Variants in ADAMTS12 observed in about 807,000 individuals in gnomAD.
The protein encoded by ADAMTS12 is A disintegrin and metalloproteinase with thrombospondin motifs 12.
A neutral mutation model predicts 167.8 loss-of-function variants in ADAMTS12; 118 were observed. That is an observed-to-expected ratio of 0.70 (90% CI 0.61 to 0.82). ADAMTS12 has a LOEUF of 0.82. Among genes scored for constraint, ADAMTS12 ranks in the 40% least tolerant of loss-of-function variants. ADAMTS12 has a pLI of 0.00. For synonymous variants in ADAMTS12, 704 were observed against 716.9 expected, an observed-to-expected ratio of 0.98 and a Z score of 0.29; for missense variants, 1,916 against 1,998.8, an observed-to-expected ratio of 0.96 and a Z score of 0.79.
In ADAMTS12 at chr5:33,527,280, C is replaced by T; in HGVS notation, c.4693G>A (p.Ala1565Thr). Residue 1565 changes from alanine (A) to threonine (T), a missense_variant, in exon 24 of 24, where the codon GCT (alanine) becomes ACT (threonine). By Grantham distance (58) the Ala-to-Thr change is moderately conservative. Transcript: ENST00000504830. ...TGGGGACACGAGAAGCAGCACTCAG[C>T]CCTCACGGTGGGCACAGAACATTTC... is the stretch of plus-strand genomic sequence containing the variant. ...MKKCSVPTVR[A>T]ECCFSCPQTH... The T allele has an allele frequency of 6.2e-7, 1 of 1,614,082 alleles. No individual in the cohort carries two copies. The highest frequency in any genetic ancestry group is 8.5e-7 in the Non-Finnish European group (1 of 1,180,014).
chr5:33,605,875 G>A (rs569179228), intron 16 of ADAMTS12, among the ~76,000 whole-genome samples: 9 of 152,090 alleles, frequency 5.9e-5, no homozygotes, highest in Non-Finnish European at 1.2e-4. Flanking sequence ...GCACAAATAA[G>A]TTATACAAAG....
At chr5:33,833,644 A>G (rs1748393619) in intron 2 of ADAMTS12, among the ~76,000 whole-genome samples, 1 of 152,190 alleles carries the variant, frequency 6.6e-6, no homozygotes. Context: ...CCAAGGAAGA[A>G]AAAAAGTTTT....
At chr5:33,793,756 C>T (rs375361831) in intron 2 of ADAMTS12, among the ~76,000 whole-genome samples, 23 of 152,308 alleles carry the variant, frequency 1.5e-4, no homozygotes, top group African/African-American at 5.1e-4. Context: ...GCCAATCTCA[C>T]TCCCACCGTG....
At chr5:33,710,931 G>A (rs1221916884) in intron 3 of ADAMTS12, among the ~76,000 whole-genome samples, 2 of 152,226 alleles carry the variant, frequency 1.3e-5, no homozygotes, top group East Asian at 1.9e-4. Flanking sequence ...TGAATGTGGG[G>A]CAAGTGGTCT....
At chr5:33,872,047 A>T (rs913927480) in intron 2 of ADAMTS12, among the ~76,000 whole-genome samples, 1 of 152,248 alleles carries the variant, frequency 6.6e-6, no homozygotes, top group African/African-American at 2.4e-5. Flanking sequence ...TATCTATTTT[A>T]AAAATTGAAT....
At chr5:33,732,244 AT>A (rs1744219947) in intron 3 of ADAMTS12, among the ~76,000 whole-genome samples, 2 of 152,252 alleles carry the variant, frequency 1.3e-5, no homozygotes, top group African/African-American at 2.4e-5. Flanking sequence ...GCTAAAAAAA[AT>A]AAATGTAGGT....
intron 18 of ADAMTS12, among the ~76,000 whole-genome samples, chr5:33,588,145 A>C (rs1376787610): frequency 1.3e-5 from 2 of 152,222 alleles, no homozygotes; most frequent in African/African-American, 4.8e-5. Context: ...TGGACTTGAC[A>C]CATGGTGAAT....
intron 18 of ADAMTS12, among the ~76,000 whole-genome samples, chr5:33,588,013 A>G (rs1747443857): frequency 6.6e-6 from 1 of 152,206 alleles, no homozygotes; most frequent in Non-Finnish European, 1.5e-5. Context: ...GCTTTTCATA[A>G]CCTTCCAGCT....
At chr5:33,751,259 A>C in intron 3 of ADAMTS12, 145 bp downstream of exon 3, 6 of 1,012,124 alleles carry the variant, frequency 5.9e-6, no homozygotes, top group South Asian at 1.6e-5. Context: ...AGAATACAGA[A>C]GAGATTTGAA....
At chr5:33,843,187 A>G (rs1225071453) in intron 2 of ADAMTS12, among the ~76,000 whole-genome samples, 1 of 152,238 alleles carries the variant, frequency 6.6e-6, no homozygotes, top group Admixed American at 6.5e-5. Flanking sequence ...GCAGAAGGCC[A>G]TAGCCTGAGC....
At chr5:33,835,608 C>T (rs1561298316) in intron 2 of ADAMTS12, among the ~76,000 whole-genome samples, 2 of 152,160 alleles carry the variant, frequency 1.3e-5, no homozygotes, top group African/African-American at 2.4e-5. Flanking sequence ...CTAACTAGCT[C>T]GCTGCGGCCT....
rs1184446555 is a variant in ADAMTS12 at position 33,853,289 on chromosome 5, T to C, written c.489+27830A>G. ...AAACCATCAACAATGCTAGCTGTCA[T>C]TGTCTGTCCCAGCCCTTCTGTGGCC... On this transcript the variant is annotated intron_variant, in intron 2 of 23. Coordinates refer to ENST00000504830, the MANE Select transcript of ADAMTS12 (RefSeq NM_030955.4). Among the ~76,000 whole-genome samples, 3 of 152,218 alleles carry C rather than the reference T, an allele frequency of 2.0e-5. No homozygotes were observed. The East Asian group carries it at 5.8e-4, about 29-fold the overall frequency.
chr5:33,600,435 T>A (rs1272724089), intron 16 of ADAMTS12, among the ~76,000 whole-genome samples: 1 of 152,184 alleles, frequency 6.6e-6, no homozygotes, highest in Admixed American at 6.5e-5. Context: ...AATATCCAGA[T>A]TGTAAAATCA....
intron 2 of ADAMTS12, among the ~76,000 whole-genome samples, chr5:33,870,706 T>C (rs1475807743): frequency 6.6e-6 from 1 of 152,170 alleles, no homozygotes; most frequent in African/African-American, 2.4e-5. Context: ...TGGAGGGGAC[T>C]GATGGGAGGT....
chr5:33,659,251 G>C (rs1279096505), intron 6 of ADAMTS12, among the ~76,000 whole-genome samples: 1 of 152,138 alleles, frequency 6.6e-6, no homozygotes, highest in South Asian at 2.1e-4. Flanking sequence ...AATAGGACAG[G>C]AAAGAGCAGG....
chr5:33,583,429 TTGCAAACAGCGC>T (rs138432497), intron 18 of ADAMTS12, among the ~76,000 whole-genome samples: 2,117 of 152,296 alleles, frequency 0.014, 58 homozygotes, highest in African/African-American at 0.049. Context: ...ATCTTAGCTA[TTGCAAACAGCGC>T]TGCAACAAAC....
intron 3 of ADAMTS12, among the ~76,000 whole-genome samples, chr5:33,738,805 G>C (rs1380204620): frequency 6.6e-6 from 1 of 152,248 alleles, no homozygotes; most frequent in African/African-American, 2.4e-5. Flanking sequence ...TTCTGGAGGA[G>C]CTGGCACGAA....
At chr5:33,630,007 G>A (rs1739846889) in intron 13 of ADAMTS12, among the ~76,000 whole-genome samples, 1 of 152,194 alleles carries the variant, frequency 6.6e-6, no homozygotes, top group South Asian at 2.1e-4. Context: ...AGAAGACTGA[G>A]TCTTAGAAAG....
intron 19 of ADAMTS12, among the ~76,000 whole-genome samples, chr5:33,569,626 T>A (rs1024536234): frequency 6.6e-6 from 1 of 151,804 alleles, no homozygotes; most frequent in South Asian, 2.1e-4. Flanking sequence ...CAAAAGTAGA[T>A]AAAACCACAA....
Sources: allele counts gnomAD v4.1 joint callset (sites outside exome capture counted in the v4.1 genomes callset), GRCh38; gene constraint gnomAD v4.1.1; transcripts MANE v1.5; gene names NCBI Gene and HGNC (gene_info 2026-07-23, HGNC 2026-07-21).